ATP8A2: variants seen among roughly 807,000 people sequenced by gnomAD.
ATP8A2 encodes phospholipid-transporting ATPase IB.
ATP8A2 carries 100 observed loss-of-function variants against 165.6 expected under a neutral mutation model. The observed-to-expected ratio is 0.60, with a 90% CI of 0.51 to 0.71. ATP8A2 has a LOEUF of 0.71. ATP8A2 is among the 30% of genes least tolerant of loss of function. The pLI is 0.00. For synonymous variants in ATP8A2, 543 were observed against 548.8 expected, an observed-to-expected ratio of 0.99 and a Z score of 0.15; for missense variants, 1,227 against 1,479.5, an observed-to-expected ratio of 0.83 and a Z score of 2.80.
intron 1 of ATP8A2, among the ~76,000 whole-genome samples, chr13:25,434,909 T>C (rs1256800708): frequency 1.3e-5 from 2 of 152,174 alleles, no homozygotes; most frequent in Admixed American, 1.3e-4. Context: ...ATGGCTTGTG[T>C]AGCATTTCAC....
At chr13:25,653,315 G>A (rs1255503111) in intron 24 of ATP8A2, among the ~76,000 whole-genome samples, 1 of 152,150 alleles carries the variant, frequency 6.6e-6, no homozygotes, top group Non-Finnish European at 1.5e-5. Context: ...CATGGGTGGA[G>A]CTGGAGTTAT....
chr13:25,390,882 G>A (rs1049307642), intron 1 of ATP8A2, among the ~76,000 whole-genome samples: 6 of 150,604 alleles, frequency 4.0e-5, no homozygotes, highest in East Asian at 2.0e-4. Context: ...CCGAGATCAT[G>A]CCACTGCACT....
chr13:25,390,695 C>G (rs1566098393), intron 1 of ATP8A2, among the ~76,000 whole-genome samples: 1 of 152,090 alleles, frequency 6.6e-6, no homozygotes, highest in Non-Finnish European at 1.5e-5. Context: ...TTTGGGAGGC[C>G]AAGCTGGGTG....
chr13:25,780,653 G>C (rs749844028), intron 27 of ATP8A2, among the ~76,000 whole-genome samples: 5 of 152,124 alleles, frequency 3.3e-5, no homozygotes, highest in Admixed American at 6.5e-5. Context: ...TGGTTTCAGG[G>C]AAGACAGTTT....
At chr13:25,675,816 G>C (rs2042360765) in intron 24 of ATP8A2, among the ~76,000 whole-genome samples, 1 of 152,020 alleles carries the variant, frequency 6.6e-6, no homozygotes, top group African/African-American at 2.4e-5. Flanking sequence ...TGGAGTTACA[G>C]AGAGGGCTTT....
intron 27 of ATP8A2, among the ~76,000 whole-genome samples, chr13:25,809,778 A>T (rs1485072700): frequency 2.0e-5 from 3 of 152,084 alleles, no homozygotes; most frequent in Non-Finnish European, 4.4e-5. Flanking sequence ...CAAGGATCCT[A>T]TCTGTCTTTC....
chr13:25,955,742 T>C lies in ATP8A2; in HGVS notation c.3184-5833T>C, dbSNP rs181191864. 4.6e-5 allele frequency among the ~76,000 whole-genome samples: 7 copies of C among 152,014 alleles called. No individual in the cohort carries two copies. In the East Asian group the frequency reaches 1.4e-3, roughly 29 times the overall value. On this transcript the variant is annotated intron_variant, in intron 33 of 36. Transcript: ENST00000381655. ...TTCCTTCTGGAACTATTCCAAACAA[T>C]AGAAAAAGAGGGACGCCTCCCTAAA...
intron 2 of ATP8A2, among the ~76,000 whole-genome samples, chr13:25,481,168 G>GTGGGGAGAGGGAGACCT (rs1188908819): frequency 6.8e-6 from 1 of 147,542 alleles, no homozygotes; most frequent in African/African-American, 2.6e-5. Flanking sequence ...GAGGGAGACC[G>GTGGGGAGAGGGAGACCT]TGGGGAGAGG....
chr13:25,888,089 C>T (rs1377934411), intron 33 of ATP8A2, among the ~76,000 whole-genome samples: 2 of 146,472 alleles, frequency 1.4e-5, no homozygotes, highest in African/African-American at 5.0e-5. Flanking sequence ...GCCCCACCCC[C>T]AGAGAACACT....
chr13:25,548,617 C>T (rs1448730345), intron 10 of ATP8A2, among the ~76,000 whole-genome samples: 1 of 152,146 alleles, frequency 6.6e-6, no homozygotes, highest in African/African-American at 2.4e-5. Context: ...CTGGATGTGT[C>T]GTCTCAGTTG....
In ATP8A2 at chr13:25,541,990, A is replaced by G. The variant is rs751527696; in HGVS notation, c.723A>G (p.Glu241=). The G allele has an allele frequency of 1.2e-6, 2 of 1,614,078 alleles. No homozygotes were observed. Among genetic ancestry groups the G allele is most frequent in the South Asian group, 2.2e-5 (2 of 91,080 alleles). Residue 241 remains glutamate (E), a synonymous_variant, in exon 9 of 37, where the codon GAA becomes GAG. Coordinates refer to ENST00000381655, the MANE Select transcript of ATP8A2 (RefSeq NM_016529.6). Reference sequence around the variant, plus strand: ...AGTTATCTGGAACTATAGAGTGTGAAGGGCCCAACCGCCACCTCTATGACT... The same window carrying G: ...AGTTATCTGGAACTATAGAGTGTGAGGGGCCCAACCGCCACCTCTATGACT... ...LMKLSGTIEC[E]GPNRHLYDFT...
intron 28 of ATP8A2, among the ~76,000 whole-genome samples, chr13:25,833,057 G>A (rs571645287): frequency 6.7e-6 from 1 of 150,164 alleles, no homozygotes; most frequent in Non-Finnish European, 1.5e-5. Context: ...CCTTTTTCTA[G>A]CCTAGCAATA....
chr13:25,513,283 T>A (rs1242855898), intron 2 of ATP8A2, among the ~76,000 whole-genome samples: 2 of 147,110 alleles, frequency 1.4e-5, no homozygotes, highest in African/African-American at 5.1e-5. Flanking sequence ...CCAGACGGGG[T>A]CGCGGCCGGG....
intron 33 of ATP8A2, among the ~76,000 whole-genome samples, chr13:25,872,565 C>T (rs1213448309): frequency 6.6e-6 from 1 of 152,168 alleles, no homozygotes; most frequent in African/African-American, 2.4e-5. Flanking sequence ...GTCCTTCCCC[C>T]AGCTTCTTTA....
chr13:25,903,205 C>T (rs947437083), intron 33 of ATP8A2, among the ~76,000 whole-genome samples: 5 of 152,154 alleles, frequency 3.3e-5, no homozygotes, highest in East Asian at 1.9e-4. Flanking sequence ...ATACTAGGAA[C>T]GCAGAGACTT....
At chr13:26,016,766 C>T (rs1375778380) in intron 36 of ATP8A2, among the ~76,000 whole-genome samples, 3 of 152,098 alleles carry the variant, frequency 2.0e-5, no homozygotes, top group African/African-American at 4.8e-5. Context: ...CAGAGGCCTC[C>T]GTGTTGGTGC....
chr13:25,386,996 C>CAAA (rs10677080), intron 1 of ATP8A2, among the ~76,000 whole-genome samples: 2,919 of 145,760 alleles, frequency 0.02, 48 homozygotes, highest in African/African-American at 0.035. Flanking sequence ...GACTCCATCT[C>CAAA]AAAAAAAACA....
chr13:26,003,323 T>C (rs150389353), intron 35 of ATP8A2, among the ~76,000 whole-genome samples: 192 of 149,830 alleles, frequency 1.3e-3, no homozygotes, highest in African/African-American at 4.6e-3. Context: ...GTCATATGTA[T>C]ATCGTCTTTT....
intron 35 of ATP8A2, among the ~76,000 whole-genome samples, chr13:25,991,798 A>T (rs1956401723): frequency 6.6e-6 from 1 of 152,136 alleles, no homozygotes; most frequent in African/African-American, 2.4e-5. Context: ...AACTCTTACA[A>T]ACATTTGTTT....
Sources: gnomAD v4.1 joint callset for allele counts (sites outside exome capture counted in the v4.1 genomes callset) on GRCh38, gnomAD v4.1.1 for gene constraint, MANE v1.5 for transcripts, NCBI Gene and HGNC (gene_info 2026-07-23, HGNC 2026-07-21) for gene names.